RYR1: variants seen among roughly 807,000 people sequenced by gnomAD.
The protein encoded by RYR1 is central core disease of muscle.
In RYR1, 342 loss-of-function variants were observed where a neutral mutation model predicts 583.5. That is an observed-to-expected ratio of 0.59 (90% CI 0.54 to 0.64). The LOEUF is 0.64. Among genes scored for constraint, RYR1 ranks in the 30% least tolerant of loss-of-function variants. RYR1 has a pLI of 0.00. For missense variants in RYR1, 6,032 were observed against 6,917.2 expected (o/e 0.87, Z 4.54); for synonymous variants, 2,791 against 2,822.5 (o/e 0.99, Z 0.35).
rs1969865809 is a variant in RYR1 at position 38,497,020 on chromosome 19, G to A, written c.6891+66G>A. 7 of 1,343,280 alleles carry A rather than the reference G, an allele frequency of 5.2e-6. No homozygotes were observed. In the Admixed American group the frequency reaches 8.8e-5, roughly 17 times the overall value. 83.2% of individuals were successfully genotyped at this position (1,343,280 alleles called of 1,614,324 possible). On this transcript the variant is annotated intron_variant, in intron 42 of 105. Coordinates refer to ENST00000359596, the MANE Select transcript of RYR1 (RefSeq NM_000540.3). ...ATCGGGCCGCTACCCGGCTGCTTGG[G>A]ACACCTGCTGATTCCAAACTCATTC...
Position 38,506,341 on chromosome 19 carries a change from C to G in RYR1, c.8580C>G (p.Pro2860=). 3 of 1,613,768 alleles carry G rather than the reference C, an allele frequency of 1.9e-6. No homozygotes were observed. The highest frequency in any genetic ancestry group is 2.2e-5 in the South Asian group (2 of 91,064). The change falls in exon 55 of 106, where the codon CCC becomes CCG. Residue 2860 remains proline, a synonymous_variant. Transcript: ENST00000359596. ...DPREGYNPQP[P]DLSAVTLSRE... is the part of the protein sequence containing the mutation. Reference sequence around the variant, plus strand: ...GAGAAGGCTACAACCCTCAGCCCCCCGACCTTAGTGCTGTTACCCTGTCCC... The same window carrying G: ...GAGAAGGCTACAACCCTCAGCCCCCGGACCTTAGTGCTGTTACCCTGTCCC...
chr19:38,499,044 G>A lies in RYR1; in HGVS notation c.6892-64G>A. ...GCAGGGCAGGGCAGGGCAGGGCAGA[G>A]GGCTGAGCCCCAGGAGGAAGGTGGC... On this transcript the variant is annotated intron_variant, in intron 42 of 105. Coordinates refer to ENST00000359596, the MANE Select transcript of RYR1 (RefSeq NM_000540.3). The surrounding 1 kb of genome is among the most constrained non-coding windows in gnomAD (Gnocchi z 7.3). 1 of 1,602,560 alleles carries A rather than the reference G, an allele frequency of 6.2e-7. No individual in the cohort carries two copies. The highest frequency in any genetic ancestry group is 2.2e-5 in the East Asian group (1 of 44,650).
At chr19:38,563,317 G>A (rs904153252) in intron 90 of RYR1, among the ~76,000 whole-genome samples, 3 of 152,230 alleles carry the variant, frequency 2.0e-5, no homozygotes, top group African/African-American at 7.2e-5. Flanking sequence ...CCAGGCTGGA[G>A]TGCAATGGCA....
rs763522041 is a variant in RYR1, at chr19:38,459,215, G to T, written c.2237G>T (p.Cys746Phe). ...GCCCCTGAAGACGTGATCAGCTGCT[G>T]CCTGGACCTCAGCGTGCCGTCCATC... Reference protein sequence around the residue: ...LLAPEDVISCCLDLSVPSISF... With the variant: ...LLAPEDVISCFLDLSVPSISF... Residue 746 changes from cysteine to phenylalanine, a missense_variant, in exon 19 of 106, where the codon TGC (cysteine) becomes TTC (phenylalanine). By Grantham distance (205) the Cys-to-Phe change is radical. Transcript: ENST00000359596. The T allele has an allele frequency of 6.2e-7, 1 of 1,614,182 alleles. No homozygotes were observed. The highest frequency in any genetic ancestry group is 2.2e-5 in the East Asian group (1 of 44,882).
At chr19:38,438,940 G>C (rs1972549888) in intron 1 of RYR1, among the ~76,000 whole-genome samples, 1 of 151,382 alleles carries the variant, frequency 6.6e-6, no homozygotes, top group Admixed American at 6.6e-5. Flanking sequence ...TAAACTCCTG[G>C]GCTCAAGTAA....
rs767455393 is a variant in RYR1 at position 38,566,896 on chromosome 19, T to C, written c.13438-15T>C. 10 of 1,599,746 alleles carry C rather than the reference T, an allele frequency of 6.3e-6. No homozygotes were observed. Among genetic ancestry groups the C allele is most frequent in the Non-Finnish European group, 7.7e-6 (9 of 1,173,442 alleles). The stretch of plus-strand genomic sequence containing the variant: ...TAGGGTGAGGACTCAGCCCTGATGC[T>C]TGCCCTGTCCCTAGGTGGATGGAGT... On this transcript the variant is annotated splice_polypyrimidine_tract_variant and intron_variant, in intron 91 of 105. Coordinates refer to ENST00000359596, the MANE Select transcript of RYR1 (RefSeq NM_000540.3).
intron 31 of RYR1, among the ~76,000 whole-genome samples, chr19:38,478,841 C>T (rs1392170069): frequency 6.6e-6 from 1 of 152,214 alleles, no homozygotes; most frequent in Non-Finnish European, 1.5e-5. Flanking sequence ...GATCTTGGCT[C>T]ACTGCAACCT....
chr19:38,498,190 G>A (rs73030976), intron 42 of RYR1, among the ~76,000 whole-genome samples: 17,123 of 152,206 alleles, frequency 0.11, 1,101 homozygotes, highest in South Asian at 0.23. Context: ...GAGGGCAGGA[G>A]GTGACAGGTG....
chr19:38,502,107 T>C (rs1216504935), intron 47 of RYR1, among the ~76,000 whole-genome samples: 2 of 151,926 alleles, frequency 1.3e-5, no homozygotes. Flanking sequence ...CAGGGAGCTA[T>C]GATTGCACCA....
intron 89 of RYR1, among the ~76,000 whole-genome samples, chr19:38,549,874 T>TC (rs1491262376): frequency 8.3e-6 from 1 of 121,112 alleles, no homozygotes; most frequent in Non-Finnish European, 1.7e-5. Flanking sequence ...CCCAGCTAAA[T>TC]TTGTGTGTGT....
intron 67 of RYR1, among the ~76,000 whole-genome samples, chr19:38,521,999 C>T (rs1035325094): frequency 5.9e-5 from 9 of 151,970 alleles, no homozygotes; most frequent in Admixed American, 4.6e-4. Context: ...TGAGCCACTG[C>T]GCCCAGCTGA....
At chr19:38,502,761 G>C (rs1371532210) in intron 48 of RYR1, 34 bp downstream of exon 48, 6 of 614,778 alleles carry the variant, frequency 9.8e-6, no homozygotes, top group Non-Finnish European at 1.5e-5. Flanking sequence ...TGGGGCAGGG[G>C]CAGGGGCAGG....
At chr19:38,459,479 C>T in intron 19 of RYR1, 141 bp downstream of exon 19, 1 of 783,758 alleles carries the variant, frequency 1.3e-6, no homozygotes. Context: ...AGAACCCTTA[C>T]TTGAAGATCC....
intron 97 of RYR1, 131 bp from the exon 98 acceptor site, chr19:38,577,787 C>A (rs1459047503): frequency 7.5e-6 from 9 of 1,207,340 alleles, no homozygotes; most frequent in Non-Finnish European, 1.0e-5. Context: ...CAGAGGGAGA[C>A]TGTCTCAAAA....
chr19:38,490,508 C>T, intron 36 of RYR1, 113 bp from the exon 37 acceptor site: 1 of 820,456 alleles, frequency 1.2e-6, no homozygotes, highest in Non-Finnish European at 2.1e-6. Context: ...CATTAACTCA[C>T]ACTTCGACTC....
chr19:38,573,294 G>A lies in RYR1; in HGVS notation c.14116G>A (p.Val4706Met). 1 of 1,613,666 alleles carries A rather than the reference G, an allele frequency of 6.2e-7. No individual in the cohort carries two copies. Among genetic ancestry groups the A allele is most frequent in the South Asian group, 1.1e-5 (1 of 91,068 alleles). The stretch of plus-strand genomic sequence containing the variant: ...CGTGAAGGGGCAGTGGGACCGACTG[G>A]TGCTCAACACGCCGTAAGGACCCAG... ...DDVKGQWDRL[V>M]LNTPSFPSNY... Residue 4706 changes from valine to methionine, a missense_variant, in exon 96 of 106, where the codon GTG (valine) becomes ATG (methionine). Physicochemically the swap from Val to Met is conservative, Grantham distance 21. Around this residue, in one of 11 missense-constraint regions of RYR1, gnomAD observed 188 missense variants for 215.6 expected, o/e 0.87. Transcript: ENST00000359596.
chr19:38,532,601 C>T, intron 77 of RYR1, 60 bp downstream of exon 77: 1 of 1,613,618 alleles, frequency 6.2e-7, no homozygotes, highest in Non-Finnish European at 8.5e-7. Context: ...CAGTGCTTGT[C>T]CACAAAAAGG....
At chr19:38,437,033 C>T (rs1256486790) in intron 1 of RYR1, among the ~76,000 whole-genome samples, 1 of 151,494 alleles carries the variant, frequency 6.6e-6, no homozygotes, top group African/African-American at 2.4e-5. Flanking sequence ...GAACCCTCCG[C>T]TTCCTTCATT....
intron 58 of RYR1, among the ~76,000 whole-genome samples, chr19:38,508,450 G>C (rs1970580337): frequency 1.3e-5 from 2 of 152,176 alleles, no homozygotes. Flanking sequence ...TCGACCTCGT[G>C]ATCTGCCGCC....
Sources: allele counts gnomAD v4.1 joint callset (sites outside exome capture counted in the v4.1 genomes callset), GRCh38; gene constraint gnomAD v4.1.1; regional missense constraint gnomAD v4.1.1; non-coding constraint Gnocchi (gnomAD v3.1); transcripts MANE v1.5; gene names NCBI Gene and HGNC (gene_info 2026-07-23, HGNC 2026-07-21).